Variants in SLC4A3 observed in about 807,000 individuals in gnomAD.
SLC4A3 encodes solute carrier family 4 member 3.
A neutral mutation model predicts 114.2 loss-of-function variants in SLC4A3; 47 were observed. That is an observed-to-expected ratio of 0.41 (90% CI 0.33 to 0.52). SLC4A3 has a LOEUF of 0.52. Ranked by LOEUF, SLC4A3 falls within the 20% of genes least tolerant of loss-of-function variation. SLC4A3 has a pLI of 0.21. For missense variants in SLC4A3, 1,312 were observed against 1,668.3 expected, an observed-to-expected ratio of 0.79 and a Z score of 3.72; for synonymous variants, 693 against 710.3, an observed-to-expected ratio of 0.98 and a Z score of 0.39.
rs143904435 is a variant in SLC4A3, at chr2:219,640,878, C to T, written c.3537C>T (p.Leu1179=). The change falls in exon 22 of 23, where the codon CTC becomes CTT. Residue 1179 remains leucine (L), a synonymous_variant. Transcript: ENST00000358055. The part of the protein sequence containing the change: ...LWVVKSTAAS[L]AFPFLLLLTV... ...TGGTCAAGTCCACGGCGGCCTCACTCGCCTTTCCCTTCCTGCTGCTGCTCA... is the reference window on the plus strand; with the variant it reads ...TGGTCAAGTCCACGGCGGCCTCACTTGCCTTTCCCTTCCTGCTGCTGCTCA... 9.9e-5 allele frequency: 160 copies of T among 1,612,082 alleles called. No individual in the cohort carries two copies. Among genetic ancestry groups the T allele is most frequent in the East Asian group, 8.0e-4 (36 of 44,878 alleles).
intron 20 of SLC4A3, among the ~76,000 whole-genome samples, chr2:219,640,123 G>T (rs1011900527): frequency 3.3e-5 from 5 of 152,016 alleles, no homozygotes; most frequent in Non-Finnish European, 7.4e-5. Context: ...AGAGACAGGG[G>T]TTTCACCGTG....
chr2:219,629,743 G>A, intron 5 of SLC4A3, 48 bp downstream of exon 5: 1 of 1,325,570 alleles, frequency 7.5e-7, no homozygotes, highest in Non-Finnish European at 1.1e-6. Flanking sequence ...AGAGCCACAG[G>A]GTCCAGAGCT....
intron 13 of SLC4A3, 74 bp from the exon 14 acceptor site, chr2:219,635,599 C>A (rs2305055): frequency 6.8e-7 from 1 of 1,474,362 alleles, no homozygotes; most frequent in South Asian, 1.2e-5. Context: ...TCCTTTGCAT[C>A]CCTGATCCCA....
Position 219,628,123 on chromosome 2 carries a change from G to C in SLC4A3, c.51+80G>C. On this transcript the variant is annotated intron_variant, in intron 2 of 22. Transcript: ENST00000358055. The surrounding 1 kb of genome is among the most constrained non-coding windows in gnomAD (Gnocchi z 4.8). ...TTAGGGTGGGCAGAGGAGTCCTCTG[G>C]CCGACCCCGGGACCCCCCAGATCCA... is the stretch of plus-strand genomic sequence containing the variant. 1.7e-6 allele frequency: 2 copies of C among 1,178,096 alleles called. No individual in the cohort carries two copies. The highest frequency in any genetic ancestry group is 2.3e-6 in the Non-Finnish European group (2 of 862,396). 73.0% of individuals were successfully genotyped at this position (1,178,096 alleles called of 1,614,324 possible). A position where few individuals can be genotyped will look rare whatever the true frequency, so the allele number is the denominator to read the frequency against.
Position 219,628,060 on chromosome 2 carries a change from G to A in SLC4A3, c.51+17G>A. On this transcript the variant is annotated intron_variant, in intron 2 of 22. Transcript: ENST00000358055. The surrounding 1 kb of genome is among the most constrained non-coding windows in gnomAD (Gnocchi z 4.8). ...CTACCCCAGGTGATCGGCGCGCGCG[G>A]GGGCGGGGGAGAGATGGGGGAGGAG... 6 of 1,547,756 alleles carry A rather than the reference G, an allele frequency of 3.9e-6. No homozygotes were observed. The highest frequency in any genetic ancestry group is 5.2e-6 in the Non-Finnish European group (6 of 1,148,876).
Position 219,631,535 on chromosome 2 carries a change from G to C in SLC4A3, c.812-433G>C, listed in dbSNP as rs1698922132. On this transcript the variant is annotated intron_variant, in intron 6 of 22. Coordinates refer to ENST00000358055, the MANE Select transcript of SLC4A3 (RefSeq NM_005070.4). This position sits in a 1 kb window ranked among gnomAD's most constrained non-coding sequence, Gnocchi z 6.3. ...GACAGGAGGAAGGGAGCGAAGCCCT[G>C]CCTGAGTCTACTGGGCTGTGTACCT... 8.1e-7 allele frequency: 1 copy of C among 1,228,932 alleles called. No individual in the cohort carries two copies. Among genetic ancestry groups the C allele is most frequent in the African/African-American group, 1.6e-5 (1 of 64,502 alleles). 76.1% of individuals were successfully genotyped at this position (1,228,932 alleles called of 1,614,324 possible).
At position 219,638,345 on chromosome 2, in the gene SLC4A3, C is replaced by G. The variant is rs903378923; in HGVS notation, c.2856+92C>G. 9 of 1,049,930 alleles carry G rather than the reference C, an allele frequency of 8.6e-6. No individual in the cohort carries two copies. The African/African-American group carries it at 1.1e-4, about 13-fold the overall frequency. 65.0% of individuals were successfully genotyped at this position (1,049,930 alleles called of 1,614,324 possible). ...CTTCCATGGGCCCTGGGATTGGGAT[C>G]AGGCCTGAACTCAACTTTCCCAGTG... On this transcript the variant is annotated intron_variant, in intron 18 of 22. Transcript: ENST00000358055. The surrounding 1 kb of genome is among the most constrained non-coding windows in gnomAD (Gnocchi z 7.5).
chr2:219,636,482 C>T lies in SLC4A3; in HGVS notation c.2340+32C>T, dbSNP rs755639670. The T allele has an allele frequency of 7.7e-5, 120 of 1,559,544 alleles. No individual in the cohort carries two copies. The highest frequency in any genetic ancestry group is 1.0e-4 in the Non-Finnish European group (117 of 1,157,402). ...CGAAGCCTTGCCCTGCTCCATCCATCCTGCCCCACACTCTTCCTTACCTAC... is the reference window on the plus strand; with the variant it reads ...CGAAGCCTTGCCCTGCTCCATCCATTCTGCCCCACACTCTTCCTTACCTAC... On this transcript the variant is annotated intron_variant, in intron 15 of 22. Coordinates refer to ENST00000358055, the MANE Select transcript of SLC4A3 (RefSeq NM_005070.4). This position sits in a 1 kb window ranked among gnomAD's most constrained non-coding sequence, Gnocchi z 5.5.
At position 219,640,845 on chromosome 2, in the gene SLC4A3, G is replaced by T. The variant is rs1333396015; in HGVS notation, c.3504G>T (p.Leu1168=). Residue 1168 remains leucine (L), a synonymous_variant, in exon 22 of 23, where the codon CTG becomes CTT. Transcript: ENST00000358055. ...GCATCCAGCTGGGCTGCATCGCACT[G>T]CTCTGGGTGGTCAAGTCCACGGCGG... ...FTCIQLGCIA[L]LWVVKSTAAS... 6.2e-7 allele frequency: 1 copy of T among 1,612,648 alleles called. No individual in the cohort carries two copies. The highest frequency in any genetic ancestry group is 8.5e-7 in the Non-Finnish European group (1 of 1,180,042).
intron 11 of SLC4A3, 119 bp from the exon 12 acceptor site, chr2:219,634,301 G>T (rs1699042151): frequency 2.1e-6 from 2 of 963,602 alleles, no homozygotes; most frequent in African/African-American, 1.6e-5. Flanking sequence ...TTTAGACTGG[G>T]GTTTCTTTGC....
chr2:219,640,707 TG>T, intron 21 of SLC4A3, 81 bp from the exon 22 acceptor site: 1 of 1,572,170 alleles, frequency 6.4e-7, no homozygotes. Flanking sequence ...AGCTGTGACC[TG>T]GGAGCCAAAT....
chr2:219,629,057 GC>G, intron 3 of SLC4A3, 86 bp from the exon 4 acceptor site: 1 of 1,454,776 alleles, frequency 6.9e-7, no homozygotes. Flanking sequence ...CTTGTTTGCG[GC>G]CTTGAGCTGG....
Position 219,638,081 on chromosome 2 carries a change from A to G in SLC4A3, c.2767-83A>G, listed in dbSNP as rs1279402994. On this transcript the variant is annotated intron_variant, in intron 17 of 22. Coordinates refer to ENST00000358055, the MANE Select transcript of SLC4A3 (RefSeq NM_005070.4). The surrounding 1 kb of genome is among the most constrained non-coding windows in gnomAD (Gnocchi z 7.5). The stretch of plus-strand genomic sequence containing the variant: ...TTCTGGCTCCAGCTTGGACCCAGGC[A>G]GGGCCAGAGATGGCAAGCCCCGTGT... 4.3e-6 allele frequency: 5 copies of G among 1,165,120 alleles called. No individual in the cohort carries two copies. Among genetic ancestry groups the G allele is most frequent in the Non-Finnish European group, 6.3e-6 (5 of 796,512 alleles). The allele number at this position is 1,165,120 out of a possible 1,614,324, so 72.2% of individuals were successfully genotyped here. A position where few individuals can be genotyped will look rare whatever the true frequency, so the allele number is the denominator to read the frequency against.
chr2:219,639,509 G>A lies in SLC4A3; in HGVS notation c.3051G>A (p.Arg1017=). The change falls in exon 20 of 23, where the codon AGG becomes AGA. Residue 1017 remains arginine, a synonymous_variant. Transcript: ENST00000358055. This position sits in a 1 kb window ranked among gnomAD's most constrained non-coding sequence, Gnocchi z 5.9. The part of the protein sequence containing the change: ...TALIVSQKAR[R]LLKGSGFHLD... Reference sequence around the variant, plus strand: ...TTATCGTCAGCCAGAAGGCGCGGAGGCTGCTCAAGGGCTCCGGTTTCCACC... The same window carrying A: ...TTATCGTCAGCCAGAAGGCGCGGAGACTGCTCAAGGGCTCCGGTTTCCACC... 6.2e-7 allele frequency: 1 copy of A among 1,613,778 alleles called. No individual in the cohort carries two copies. Among genetic ancestry groups the A allele is most frequent in the South Asian group, 1.1e-5 (1 of 91,074 alleles).
intron 11 of SLC4A3, 143 bp downstream of exon 11, chr2:219,634,122 C>T: frequency 9.7e-7 from 1 of 1,025,820 alleles, no homozygotes; most frequent in Non-Finnish European, 1.4e-6. Context: ...TCCTCACAAC[C>T]TGTCTTAGCC....
At chr2:219,629,455 G>T in intron 4 of SLC4A3, 34 bp downstream of exon 4, 1 of 1,601,852 alleles carries the variant, frequency 6.2e-7, no homozygotes. Context: ...TGGCAGGTCA[G>T]GGGTCAGGGA....
chr2:219,635,570 C>G, intron 13 of SLC4A3, 74 bp downstream of exon 13: 1 of 1,481,652 alleles, frequency 6.7e-7, no homozygotes, highest in Non-Finnish European at 9.2e-7. Context: ...TGACCCCAGC[C>G]CCGTCCTGAC....
Position 219,638,749 on chromosome 2 carries a change from G to A in SLC4A3, c.2903G>A (p.Arg968His), listed in dbSNP as rs755562724. The change falls in exon 19 of 23, where the codon CGC becomes CAC. Residue 968 changes from arginine to histidine, a missense_variant. By Grantham distance (29) the Arg-to-His change is conservative. Coordinates refer to ENST00000358055, the MANE Select transcript of SLC4A3 (RefSeq NM_005070.4). This position sits in a 1 kb window ranked among gnomAD's most constrained non-coding sequence, Gnocchi z 7.5. ...TGLSVTSPDK[R>H]SWFIPPLGSA... ...CTCTCAGTGACCTCTCCCGATAAGC[G>A]CTCGTGGTTCATCCCACCCCTGGGC... 5.6e-6 allele frequency: 9 copies of A among 1,614,086 alleles called. No individual in the cohort carries two copies. The highest frequency in any genetic ancestry group is 7.6e-6 in the Non-Finnish European group (9 of 1,180,012).
At position 219,628,890 on chromosome 2, in the gene SLC4A3, T is replaced by C. The variant is rs2106180295; in HGVS notation, c.218-254T>C. 1.7e-6 allele frequency: 1 copy of C among 584,618 alleles called. No individual in the cohort carries two copies. Among genetic ancestry groups the C allele is most frequent in the Non-Finnish European group, 3.0e-6 (1 of 336,094 alleles). 36.2% of individuals were successfully genotyped at this position (584,618 alleles called of 1,614,324 possible). A position where few individuals can be genotyped will look rare whatever the true frequency, so the allele number is the denominator to read the frequency against. On this transcript the variant is annotated intron_variant, in intron 3 of 22. Coordinates refer to ENST00000358055, the MANE Select transcript of SLC4A3 (RefSeq NM_005070.4). This position sits in a 1 kb window ranked among gnomAD's most constrained non-coding sequence, Gnocchi z 4.8. ...CACCTCGGCTAGTCCAACTCCGCCT[T>C]TCCCCTCCTTGCTGTATCACGTCTC...
Sources: allele counts gnomAD v4.1 joint callset (sites outside exome capture counted in the v4.1 genomes callset), GRCh38; gene constraint gnomAD v4.1.1; non-coding constraint Gnocchi (gnomAD v3.1); transcripts MANE v1.5; gene names NCBI Gene and HGNC (gene_info 2026-07-23, HGNC 2026-07-21).